Variants in KHDRBS2 observed in about 807,000 individuals in gnomAD.
KHDRBS2 encodes KH domain-containing, RNA-binding, signal transduction-associated protein 2.
A neutral mutation model predicts 44.3 loss-of-function variants in KHDRBS2; 26 were observed. That is an observed-to-expected ratio of 0.59 (90% confidence interval 0.43 to 0.81). KHDRBS2 has a LOEUF of 0.81. Ranked by LOEUF, KHDRBS2 falls within the 40% of genes least tolerant of loss-of-function variation. The pLI is 0.00. For missense variants in KHDRBS2, 476 were observed against 433.1 expected, an observed-to-expected ratio of 1.10 and a Z score of -0.88; for synonymous variants, 194 against 151.1, an observed-to-expected ratio of 1.28 and a Z score of -2.08.
intron 1 of KHDRBS2, among the ~76,000 whole-genome samples, chr6:62,204,612 G>A (rs1433230645): frequency 6.6e-6 from 1 of 152,072 alleles, no homozygotes; most frequent in Non-Finnish European, 1.5e-5. Flanking sequence ...TCAGATTTGG[G>A]ATGCCCAACC....
chr6:62,277,967 A>T (rs1034525305), intron 1 of KHDRBS2, among the ~76,000 whole-genome samples: 1 of 152,196 alleles, frequency 6.6e-6, no homozygotes, highest in African/African-American at 2.4e-5. Context: ...TGCACTTGAG[A>T]AGATGAGGAA....
At chr6:61,837,153 A>C (rs1188258759) in intron 6 of KHDRBS2, among the ~76,000 whole-genome samples, 2 of 152,012 alleles carry the variant, frequency 1.3e-5, no homozygotes, top group African/African-American at 4.8e-5. Context: ...ACTTCTAAAA[A>C]GCAGGAAGAA....
chr6:61,855,217 C>A (rs1795975193), intron 6 of KHDRBS2, among the ~76,000 whole-genome samples: 1 of 151,904 alleles, frequency 6.6e-6, no homozygotes, highest in Non-Finnish European at 1.5e-5. Context: ...CTGTAAGTAG[C>A]TCTATACTCT....
intron 6 of KHDRBS2, among the ~76,000 whole-genome samples, chr6:61,780,685 T>C (rs1345981959): frequency 2.0e-5 from 3 of 152,204 alleles, no homozygotes; most frequent in Non-Finnish European, 4.4e-5. Context: ...TTCTAATAAT[T>C]TCTTTGTAAC....
chr6:61,584,051 C>G, the KHDRBS2 span, among the ~76,000 whole-genome samples: 1 of 151,498 alleles, frequency 6.6e-6, no homozygotes, highest in South Asian at 2.1e-4. Context: ...TATTTATATT[C>G]TTTGTATCCT....
chr6:61,738,068 T>C (rs1016975126), intron 6 of KHDRBS2, among the ~76,000 whole-genome samples: 2 of 151,964 alleles, frequency 1.3e-5, no homozygotes, highest in African/African-American at 4.8e-5. Flanking sequence ...GAAATGATAC[T>C]TTTTCCGTTT....
intron 6 of KHDRBS2, among the ~76,000 whole-genome samples, chr6:61,849,853 C>A (rs1163795569): frequency 6.6e-6 from 1 of 152,060 alleles, no homozygotes; most frequent in Non-Finnish European, 1.5e-5. Context: ...GCCCAGCTGT[C>A]CTGTGGATGA....
chr6:62,121,325 C>T (rs1807579941), intron 2 of KHDRBS2, among the ~76,000 whole-genome samples: 1 of 152,176 alleles, frequency 6.6e-6, no homozygotes, highest in African/African-American at 2.4e-5. Context: ...ATTAGTGCCA[C>T]CATCAAGGAC....
chr6:62,238,685 TATACACAC>T (rs1215452704), intron 1 of KHDRBS2, among the ~76,000 whole-genome samples: 2 of 117,380 alleles, frequency 1.7e-5, no homozygotes, highest in African/African-American at 3.0e-5. Context: ...TTAAGTTTTA[TATACACAC>T]ACACACACAC....
chr6:61,787,469 A>G (rs1026068368), intron 6 of KHDRBS2, among the ~76,000 whole-genome samples: 1 of 151,768 alleles, frequency 6.6e-6, no homozygotes, highest in East Asian at 1.9e-4. Flanking sequence ...TTTTCATCAC[A>G]AATAAAAACC....
chr6:61,812,533 T>C (rs900930409), intron 6 of KHDRBS2, among the ~76,000 whole-genome samples: 12 of 152,040 alleles, frequency 7.9e-5, no homozygotes, highest in African/African-American at 2.9e-4. Flanking sequence ...AAATAATTAG[T>C]ATAAATGCAT....
At chr6:61,763,895 T>C (rs1239258970) in intron 6 of KHDRBS2, among the ~76,000 whole-genome samples, 2 of 152,172 alleles carry the variant, frequency 1.3e-5, no homozygotes, top group African/African-American at 2.4e-5. Flanking sequence ...ATGTGTGCCA[T>C]GGTGGTTTGC....
chr6:62,053,405 C>A (rs556454493), intron 2 of KHDRBS2, among the ~76,000 whole-genome samples: 4 of 151,740 alleles, frequency 2.6e-5, no homozygotes, highest in African/African-American at 9.7e-5. Context: ...AGTATCATAG[C>A]TAAGTCCTGT....
At chr6:61,694,623 G>T (rs892427045) in intron 8 of KHDRBS2, among the ~76,000 whole-genome samples, 12 of 152,186 alleles carry the variant, frequency 7.9e-5, no homozygotes, top group Non-Finnish European at 1.3e-4. Flanking sequence ...GCAGGGGCAG[G>T]TGTGGATGCT....
chr6:62,112,633 CTT>C (rs1004463499), intron 2 of KHDRBS2, among the ~76,000 whole-genome samples: 5 of 152,034 alleles, frequency 3.3e-5, no homozygotes, highest in African/African-American at 9.7e-5. Flanking sequence ...AATGAAAACA[CTT>C]ATATAATGAA....
At chr6:62,212,455 T>C (rs1371866817) in intron 1 of KHDRBS2, among the ~76,000 whole-genome samples, 3 of 151,800 alleles carry the variant, frequency 2.0e-5, no homozygotes, top group Non-Finnish European at 2.9e-5. Flanking sequence ...AATATATTAA[T>C]ACATTAAAGT....
At chr6:62,200,739 A>G (rs1375402460) in intron 1 of KHDRBS2, among the ~76,000 whole-genome samples, 1 of 152,230 alleles carries the variant, frequency 6.6e-6, no homozygotes, top group African/African-American at 2.4e-5. Context: ...TACTGGGTAT[A>G]TACCCAAAGG....
intron 3 of KHDRBS2, among the ~76,000 whole-genome samples, chr6:62,016,627 T>C (rs1466777038): frequency 6.7e-6 from 1 of 149,282 alleles, no homozygotes; most frequent in Non-Finnish European, 1.5e-5. Context: ...ATATATATAC[T>C]TGGATATTAA....
intron 2 of KHDRBS2, among the ~76,000 whole-genome samples, chr6:62,054,172 TG>T (rs896234500): frequency 6.6e-6 from 1 of 152,088 alleles, no homozygotes; most frequent in Non-Finnish European, 1.5e-5. Flanking sequence ...ACTTATTAGT[TG>T]GTCCTAAAAT....
Sources: gnomAD v4.1 joint callset for allele counts (sites outside exome capture counted in the v4.1 genomes callset) on GRCh38, gnomAD v4.1.1 for gene constraint, MANE v1.5 for transcripts, NCBI Gene and HGNC (gene_info 2026-07-23, HGNC 2026-07-21) for gene names.